EPHB2: variants seen among roughly 807,000 people sequenced by gnomAD.
The protein encoded by EPHB2 is ephrin type-B receptor 2.
EPHB2 carries 18 observed loss-of-function variants against 96.4 expected under a neutral mutation model. That is an observed-to-expected ratio of 0.19 (90% confidence interval 0.13 to 0.28). The LOEUF is 0.28. EPHB2 is among the 10% of genes least tolerant of loss of function. The pLI is 1.00. For missense variants in EPHB2, 989 were observed against 1,355.4 expected (o/e 0.73, Z 4.25); for synonymous variants, 506 against 534.1 (o/e 0.95, Z 0.72).
chr1:22,720,662 C>CG (rs1643434398), intron 1 of EPHB2, among the ~76,000 whole-genome samples: 6 of 76,248 alleles, frequency 7.9e-5, no homozygotes, highest in Non-Finnish European at 1.7e-4. Flanking sequence ...AATCTCATTC[C>CG]CCCCCCCCCC....
chr1:22,874,343 A>C (rs1042624025), intron 5 of EPHB2, among the ~76,000 whole-genome samples: 1 of 152,204 alleles, frequency 6.6e-6, no homozygotes, highest in East Asian at 1.9e-4. Context: ...GGCTTTTAGC[A>C]TCTTGCTAGT....
intron 6 of EPHB2, chr1:22,882,713 G>A (rs897058051): frequency 1.9e-6 from 1 of 514,210 alleles, no homozygotes. Context: ...CTGGTCTGGA[G>A]GATACACCCA....
chr1:22,919,167 C>T lies in EPHB2; in HGVS notation c.*5597C>T, dbSNP rs1030445520. 6.6e-6 allele frequency: 1 copy of T among 152,274 alleles called. No homozygotes were observed. The highest frequency in any genetic ancestry group is 6.5e-5 in the Admixed American group (1 of 15,290). The allele number at this position is 152,274 out of a possible 1,614,324, so 9.4% of individuals were successfully genotyped here. ...CAGACATGGAAATCCTCACTTGACTCTTCCCCCATAACAAACTGCCCTGAT... is the reference window on the plus strand; with the variant it reads ...CAGACATGGAAATCCTCACTTGACTTTTCCCCCATAACAAACTGCCCTGAT... On this transcript the variant is annotated 3_prime_UTR_variant, in exon 16 of 16. Coordinates refer to ENST00000374630, the MANE Select transcript of EPHB2 (RefSeq NM_017449.5).
chr1:22,895,073 G>C (rs1300530467), intron 7 of EPHB2, among the ~76,000 whole-genome samples: 2 of 152,062 alleles, frequency 1.3e-5, no homozygotes, highest in African/African-American at 4.8e-5. Context: ...CAGTCACTTT[G>C]CCTTACTAAG....
intron 1 of EPHB2, among the ~76,000 whole-genome samples, chr1:22,729,260 G>C (rs1570163726): frequency 6.6e-6 from 1 of 152,234 alleles, no homozygotes; most frequent in East Asian, 1.9e-4. Flanking sequence ...ACCTGGGCAT[G>C]AGATGCTGGA....
intron 6 of EPHB2, among the ~76,000 whole-genome samples, chr1:22,886,244 A>AT (rs1639220812): frequency 6.6e-6 from 1 of 152,200 alleles, no homozygotes; most frequent in African/African-American, 2.4e-5. Flanking sequence ...GGCATCAGGA[A>AT]TCGCAGGTGC....
chr1:22,872,199 G>C (rs998032468), intron 5 of EPHB2, among the ~76,000 whole-genome samples: 2 of 152,100 alleles, frequency 1.3e-5, no homozygotes, highest in African/African-American at 4.8e-5. Flanking sequence ...TCAGCTGGGG[G>C]CTGCCTGAGC....
intron 1 of EPHB2, among the ~76,000 whole-genome samples, chr1:22,714,125 T>C (rs1643232382): frequency 6.6e-6 from 1 of 152,080 alleles, no homozygotes; most frequent in South Asian, 2.1e-4. Flanking sequence ...GGTGCTGGAC[T>C]CCGGGGCAGG....
intron 5 of EPHB2, among the ~76,000 whole-genome samples, chr1:22,873,970 A>G (rs1638755506): frequency 6.6e-6 from 1 of 152,240 alleles, no homozygotes; most frequent in Non-Finnish European, 1.5e-5. Context: ...GGATAGTTGT[A>G]GCGTCTGCCA....
At chr1:22,828,392 A>C (rs547549854) in intron 3 of EPHB2, among the ~76,000 whole-genome samples, 1 of 152,292 alleles carries the variant, frequency 6.6e-6, no homozygotes, top group African/African-American at 2.4e-5. Context: ...TCCCCAGCCC[A>C]GCCGTGCCCA....
At chr1:22,775,137 G>A (rs1644431691) in intron 1 of EPHB2, 2 of 775,210 alleles carry the variant, frequency 2.6e-6, no homozygotes, top group South Asian at 2.7e-5. Flanking sequence ...GTTGTTTTGT[G>A]TTGTCTGTTT....
intron 3 of EPHB2, among the ~76,000 whole-genome samples, chr1:22,827,802 G>T (rs187111527): frequency 6.6e-6 from 1 of 152,210 alleles, no homozygotes; most frequent in Admixed American, 6.5e-5. Flanking sequence ...TCTCACTCAC[G>T]CCTGGAAATG....
At chr1:22,728,002 AAAAT>A (rs1643622280) in intron 1 of EPHB2, among the ~76,000 whole-genome samples, 1 of 152,056 alleles carries the variant, frequency 6.6e-6, no homozygotes, top group African/African-American at 2.4e-5. Context: ...AGGTGGAATA[AAAAT>A]AAATAGCCTT....
At chr1:22,901,659 C>T (rs1374857441) in intron 9 of EPHB2, among the ~76,000 whole-genome samples, 1 of 152,216 alleles carries the variant, frequency 6.6e-6, no homozygotes, top group Admixed American at 6.5e-5. Flanking sequence ...ACCAGGCACT[C>T]ACTCACCTTC....
At position 22,908,234 on chromosome 1, in the gene EPHB2, C is replaced by T. The variant is rs978472961; in HGVS notation, c.2352+66C>T. The T allele has an allele frequency of 4.4e-6, 7 of 1,579,342 alleles. No individual in the cohort carries two copies. The East Asian group carries it at 1.6e-4, about 36-fold the overall frequency. ...GAAGAGGGCATGAGTGTCCATCTCTCCCTGCAAGACACTTTCACTAACGCC... is the reference window on the plus strand; with the variant it reads ...GAAGAGGGCATGAGTGTCCATCTCTTCCTGCAAGACACTTTCACTAACGCC... On this transcript the variant is annotated intron_variant, in intron 12 of 15. Coordinates refer to ENST00000374630, the MANE Select transcript of EPHB2 (RefSeq NM_017449.5).
Position 22,883,493 on chromosome 1 carries a change from A to G in EPHB2, c.1428+1010A>G, listed in dbSNP as rs528605724. Among the ~76,000 whole-genome samples, 8 of 152,366 alleles carry G rather than the reference A, an allele frequency of 5.3e-5. No individual in the cohort carries two copies. The South Asian group carries it at 1.7e-3, about 32-fold the overall frequency. On this transcript the variant is annotated intron_variant, in intron 6 of 15. Coordinates refer to ENST00000374630, the MANE Select transcript of EPHB2 (RefSeq NM_017449.5). ...ACAGAGGCTGCAAGGGCACCTGGGA[A>G]AGGCATCGCGGGGCTTCCATTCAGA...
intron 5 of EPHB2, among the ~76,000 whole-genome samples, chr1:22,870,924 T>C (rs1326716948): frequency 6.6e-6 from 1 of 152,220 alleles, no homozygotes. Flanking sequence ...AGGATTTAGC[T>C]GTGAGGATTT....
At chr1:22,762,123 A>AC (rs1474324363) in intron 1 of EPHB2, among the ~76,000 whole-genome samples, 14 of 152,206 alleles carry the variant, frequency 9.2e-5, no homozygotes, top group African/African-American at 3.1e-4. Flanking sequence ...CACCGACATC[A>AC]CCCGGAGTCA....
At chr1:22,740,955 T>C (rs536357373) in intron 1 of EPHB2, among the ~76,000 whole-genome samples, 2 of 152,226 alleles carry the variant, frequency 1.3e-5, no homozygotes, top group South Asian at 2.1e-4. Context: ...GTGGTGAGCA[T>C]GAGCCGTCCC....
Sources: allele counts gnomAD v4.1 joint callset (sites outside exome capture counted in the v4.1 genomes callset), GRCh38; gene constraint gnomAD v4.1.1; transcripts MANE v1.5; gene names NCBI Gene and HGNC (gene_info 2026-07-23, HGNC 2026-07-21).